Variants in SHISA9 observed in about 807,000 individuals in gnomAD.
SHISA9 encodes the protein protein shisa-9.
SHISA9 carries 13 observed loss-of-function variants against 38.0 expected under a neutral mutation model. The observed-to-expected ratio is 0.34, with a 90% CI of 0.22 to 0.54. The LOEUF (loss-of-function observed/expected upper bound fraction) is 0.54, where lower values mean the gene tolerates loss of function less well. Among genes scored for constraint, SHISA9 ranks in the 20% least tolerant of loss-of-function variants. The probability of loss-of-function intolerance (pLI) is 0.91; values close to 1 mark genes in which losing one functional copy is unlikely to be tolerated. For synonymous variants in SHISA9, 275 were observed against 242.0 expected (o/e 1.14, Z -1.27); for missense variants, 538 against 575.8 (o/e 0.93, Z 0.67).
At chr16:13,012,526 C>G (rs1184992434) in intron 2 of SHISA9, among the ~76,000 whole-genome samples, 1 of 152,102 alleles carries the variant, frequency 6.6e-6, no homozygotes, top group East Asian at 1.9e-4. Flanking sequence ...AACAACTGGA[C>G]AAGGATGCAC....
intron 2 of SHISA9, among the ~76,000 whole-genome samples, chr16:12,941,573 T>C (rs954786517): frequency 4.6e-5 from 7 of 152,322 alleles, no homozygotes; most frequent in African/African-American, 1.7e-4. Flanking sequence ...AAATTAAAAC[T>C]GTACAATTAA....
At chr16:13,444,975 T>G in the SHISA9 span, among the ~76,000 whole-genome samples, 1 of 131,968 alleles carries the variant, frequency 7.6e-6, no homozygotes, top group African/African-American at 2.8e-5. Context: ...CACACCACCA[T>G]GCCTAGCTAT....
chr16:13,139,989 T>C (rs1164252429), intron 2 of SHISA9, among the ~76,000 whole-genome samples: 1 of 152,144 alleles, frequency 6.6e-6, no homozygotes, highest in African/African-American at 2.4e-5. Context: ...TCTGGCTTTA[T>C]GCTTTGGCTT....
chr16:13,369,942 G>C, the SHISA9 span, among the ~76,000 whole-genome samples: 6 of 152,112 alleles, frequency 3.9e-5, no homozygotes, highest in South Asian at 1.0e-3. Flanking sequence ...CTAATTTAAA[G>C]TTCCTTTTTT....
chr16:13,178,247 A>G (rs1466296683), intron 2 of SHISA9, among the ~76,000 whole-genome samples: 1 of 152,018 alleles, frequency 6.6e-6, no homozygotes, highest in Non-Finnish European at 1.5e-5. Flanking sequence ...AGAGAGAAGT[A>G]ATCTAGAATT....
chr16:13,144,361 C>T (rs142544641), intron 2 of SHISA9, among the ~76,000 whole-genome samples: 3,085 of 152,068 alleles, frequency 0.02, 98 homozygotes, highest in African/African-American at 0.069. Flanking sequence ...CCATGTTGGC[C>T]AGGATGGTCT....
intron 2 of SHISA9, among the ~76,000 whole-genome samples, chr16:13,085,963 T>A (rs1349064190): frequency 2.0e-5 from 3 of 152,140 alleles, no homozygotes; most frequent in Non-Finnish European, 2.9e-5. Context: ...AGAATTTTTT[T>A]AAAAAAGAAT....
intron 2 of SHISA9, among the ~76,000 whole-genome samples, chr16:13,008,961 A>G (rs897428244): frequency 1.3e-5 from 2 of 152,162 alleles, no homozygotes; most frequent in African/African-American, 4.8e-5. Context: ...ATAGCTTACA[A>G]ACAAGAATCC....
chr16:13,491,284 G>A, the SHISA9 span, among the ~76,000 whole-genome samples: 1 of 152,054 alleles, frequency 6.6e-6, no homozygotes, highest in African/African-American at 2.4e-5. Flanking sequence ...CGAGGATGAC[G>A]GTGCCAGTAG....
At chr16:13,463,482 T>G in the SHISA9 span, among the ~76,000 whole-genome samples, 4 of 152,186 alleles carry the variant, frequency 2.6e-5, no homozygotes, top group Non-Finnish European at 5.9e-5. Flanking sequence ...GCTCGGGAGC[T>G]CTGTTGCCTT....
chr16:13,186,402 A>G (rs1283646609), intron 2 of SHISA9, among the ~76,000 whole-genome samples: 1 of 146,652 alleles, frequency 6.8e-6, no homozygotes, highest in Non-Finnish European at 1.5e-5. Context: ...GGTTCAAGCA[A>G]TTCTCCTGCC....
At chr16:13,244,356 C>T (rs1191706570), downstream of SHISA9, among the ~76,000 whole-genome samples, 2 of 152,118 alleles carry the variant, frequency 1.3e-5, no homozygotes, top group African/African-American at 2.4e-5. Flanking sequence ...CCACCTCTGC[C>T]ACCCCTGAGA....
At chr16:13,373,718 A>C in the SHISA9 span, among the ~76,000 whole-genome samples, 2 of 148,590 alleles carry the variant, frequency 1.3e-5, no homozygotes, top group South Asian at 4.3e-4. Flanking sequence ...CCGAGATTGC[A>C]CCACTGCACT....
chr16:13,097,396 C>T (rs78226451), intron 2 of SHISA9, among the ~76,000 whole-genome samples: 2,238 of 151,804 alleles, frequency 0.015, 46 homozygotes, highest in African/African-American at 0.05. Context: ...GAATGCCCGA[C>T]ATCATAGTGG....
intron 2 of SHISA9, among the ~76,000 whole-genome samples, chr16:13,021,848 G>C (rs1048767606): frequency 6.6e-6 from 1 of 152,108 alleles, no homozygotes; most frequent in African/African-American, 2.4e-5. Flanking sequence ...GGGCTGAGGG[G>C]GCAGCCTGGG....
chr16:13,213,261 G>A lies in SHISA9; in HGVS notation c.856G>A (p.Asp286Asn), dbSNP rs1403780239. 1.3e-6 allele frequency: 2 copies of A among 1,551,834 alleles called. No individual in the cohort carries two copies. Among genetic ancestry groups the A allele is most frequent in the South Asian group, 1.2e-5 (1 of 84,048 alleles). ...YASLKAVGSS[D>N]GDWAVSTLKS... Reference sequence around the variant, plus strand: ...GATTGTTATTTTTTTAGGAAGTTCTGATGGTGACTGGGCAGTATCGACACT... The same window carrying A: ...GATTGTTATTTTTTTAGGAAGTTCTAATGGTGACTGGGCAGTATCGACACT... Residue 286 changes from aspartate (D) to asparagine (N), a missense_variant, in exon 4 of 5, where the codon GAT becomes AAT. Transcript: ENST00000558583.
chr16:13,187,328 C>CTTT (rs372286181), intron 2 of SHISA9, among the ~76,000 whole-genome samples: 1,372 of 90,460 alleles, frequency 0.015, 29 homozygotes, highest in Non-Finnish European at 0.024. Flanking sequence ...CTTTTCTTTT[C>CTTT]TTTTTTTTTT....
intron 2 of SHISA9, among the ~76,000 whole-genome samples, chr16:13,113,788 A>G (rs535137170): frequency 6.6e-6 from 1 of 152,296 alleles, no homozygotes; most frequent in East Asian, 1.9e-4. Context: ...AATAGAAACT[A>G]GAAAAAGGTC....
chr16:13,516,797 C>CCAAA, the SHISA9 span, among the ~76,000 whole-genome samples: 1 of 144,310 alleles, frequency 6.9e-6, no homozygotes, highest in African/African-American at 2.6e-5. Flanking sequence ...GATTCCATCC[C>CCAAA]AAAAAAAAAA....
Sources: gnomAD v4.1 joint callset for allele counts (sites outside exome capture counted in the v4.1 genomes callset) on GRCh38, gnomAD v4.1.1 for gene constraint, MANE v1.5 for transcripts, NCBI Gene and HGNC (gene_info 2026-07-23, HGNC 2026-07-21) for gene names.